The following ANO10 variants were observed in gnomAD, a reference collection of about 807,000 sequenced individuals.
The protein encoded by ANO10 is anoctamin 10.
A neutral mutation model predicts 74.7 loss-of-function variants in ANO10; 77 were observed. That is an observed-to-expected ratio of 1.03 (90% confidence interval 0.86 to 1.25). ANO10 has a LOEUF of 1.25. Among genes scored for constraint, ANO10 ranks in the 50% most tolerant of loss-of-function variants. The pLI is 0.00. For missense variants in ANO10, 721 were observed against 778.1 expected, an observed-to-expected ratio of 0.93 and a Z score of 0.87; for synonymous variants, 279 against 284.9, an observed-to-expected ratio of 0.98 and a Z score of 0.21.
At chr3:43,472,045 C>T (rs2075876603) in intron 11 of ANO10, among the ~76,000 whole-genome samples, 1 of 152,146 alleles carries the variant, frequency 6.6e-6, no homozygotes, top group Admixed American at 6.5e-5. Flanking sequence ...CACGATAGTA[C>T]ACTACTCTGC....
At chr3:43,478,657 T>C (rs2076160997) in intron 11 of ANO10, among the ~76,000 whole-genome samples, 1 of 152,240 alleles carries the variant, frequency 6.6e-6, no homozygotes, top group Non-Finnish European at 1.5e-5. Context: ...AAGTAATTAA[T>C]TTACATTAAT....
chr3:43,538,000 A>C (rs955904457), intron 11 of ANO10, among the ~76,000 whole-genome samples: 5 of 152,226 alleles, frequency 3.3e-5, no homozygotes, highest in African/African-American at 1.2e-4. Context: ...GTAACAAGAC[A>C]TAAGAACAAA....
intron 12 of ANO10, among the ~76,000 whole-genome samples, chr3:43,426,736 G>C (rs1440881387): frequency 1.3e-5 from 2 of 152,202 alleles, no homozygotes; most frequent in Non-Finnish European, 2.9e-5. Flanking sequence ...AGAAATAAAA[G>C]GGCATCACTA....
At chr3:43,614,773 A>C (rs1293239671) in intron 1 of ANO10, among the ~76,000 whole-genome samples, 16 of 83,370 alleles carry the variant, frequency 1.9e-4, no homozygotes, top group Non-Finnish European at 3.6e-4. Flanking sequence ...AAACTAAACT[A>C]TATATATATA....
At chr3:43,657,141 C>CT (rs1360121366) in intron 1 of ANO10, among the ~76,000 whole-genome samples, 1 of 152,208 alleles carries the variant, frequency 6.6e-6, no homozygotes. Context: ...TTAGGGGATC[C>CT]TTTTCCTGTC....
intron 1 of ANO10, among the ~76,000 whole-genome samples, chr3:43,617,021 C>T (rs2083142290): frequency 6.6e-6 from 1 of 151,434 alleles, no homozygotes; most frequent in Non-Finnish European, 1.5e-5. Context: ...CTCTAATTAG[C>T]TGGCTCAATG....
At chr3:43,451,320 C>T (rs1374432541) in intron 11 of ANO10, among the ~76,000 whole-genome samples, 4 of 152,178 alleles carry the variant, frequency 2.6e-5, no homozygotes, top group Non-Finnish European at 5.9e-5. Flanking sequence ...GCTGCTGTAC[C>T]CACCGACTAG....
chr3:43,434,880 C>G (rs1383773401), intron 11 of ANO10, among the ~76,000 whole-genome samples: 5 of 152,102 alleles, frequency 3.3e-5, no homozygotes, highest in Non-Finnish European at 7.3e-5. Context: ...AAACAGGATG[C>G]CATTTTAAAC....
At chr3:43,660,659 T>C (rs2083915379) in intron 1 of ANO10, among the ~76,000 whole-genome samples, 1 of 152,138 alleles carries the variant, frequency 6.6e-6, no homozygotes, top group Non-Finnish European at 1.5e-5. Flanking sequence ...CGGAACCAAG[T>C]TAGAAAACAC....
intron 12 of ANO10, among the ~76,000 whole-genome samples, chr3:43,395,511 C>T (rs2092359787): frequency 6.6e-6 from 1 of 151,932 alleles, no homozygotes; most frequent in African/African-American, 2.4e-5. Context: ...CATGAATATC[C>T]AATTGTTCCA....
chr3:43,396,634 G>A (rs1490401849), intron 12 of ANO10, among the ~76,000 whole-genome samples: 1 of 151,992 alleles, frequency 6.6e-6, no homozygotes, highest in Non-Finnish European at 1.5e-5. Context: ...ACCGCACCCG[G>A]CCCATGTTTG....
chr3:43,641,238 C>T (rs1236360541), intron 1 of ANO10, among the ~76,000 whole-genome samples: 1 of 152,104 alleles, frequency 6.6e-6, no homozygotes, highest in African/African-American at 2.4e-5. Context: ...GGTTCCTTTC[C>T]TATTCCTGGT....
chr3:43,401,407 C>T (rs955895645), intron 12 of ANO10, among the ~76,000 whole-genome samples: 8 of 151,868 alleles, frequency 5.3e-5, no homozygotes, highest in East Asian at 1.9e-4. Context: ...TTTTAAAAGG[C>T]GGGGGGGAAA....
intron 4 of ANO10, among the ~76,000 whole-genome samples, chr3:43,591,019 G>A (rs185667752): frequency 8.3e-4 from 126 of 152,312 alleles, no homozygotes; most frequent in African/African-American, 2.8e-3. Context: ...GAGAGCACAG[G>A]GGGAGGGACA....
At chr3:43,373,503 A>G (rs568941751) in intron 12 of ANO10, among the ~76,000 whole-genome samples, 1 of 152,238 alleles carries the variant, frequency 6.6e-6, no homozygotes, top group Non-Finnish European at 1.5e-5. Context: ...AAAAGGGGAA[A>G]CAAAGGTGTA....
chr3:43,557,734 CAAA>C (rs893586520), intron 9 of ANO10, among the ~76,000 whole-genome samples: 1 of 43,304 alleles, frequency 2.3e-5, no homozygotes, highest in Non-Finnish European at 4.9e-5. Context: ...GACTCTGTCT[CAAA>C]AAAAAAAAAA....
intron 1 of ANO10, among the ~76,000 whole-genome samples, chr3:43,649,063 T>C (rs1403517181): frequency 6.6e-6 from 1 of 152,166 alleles, no homozygotes; most frequent in African/African-American, 2.4e-5. Flanking sequence ...CATCCTGTGA[T>C]TTAGAATCCC....
At chr3:43,627,645 T>G (rs1341236238) in intron 1 of ANO10, among the ~76,000 whole-genome samples, 1 of 152,236 alleles carries the variant, frequency 6.6e-6, no homozygotes, top group African/African-American at 2.4e-5. Flanking sequence ...ATAGTGCATC[T>G]AACTGGAGAG....
chr3:43,558,755 T>C (rs956257898), intron 9 of ANO10, among the ~76,000 whole-genome samples: 1 of 152,136 alleles, frequency 6.6e-6, no homozygotes, highest in Non-Finnish European at 1.5e-5. Flanking sequence ...AACAATCATC[T>C]AGAATAAATG....
Sources: allele counts gnomAD v4.1 joint callset (sites outside exome capture counted in the v4.1 genomes callset), GRCh38; gene constraint gnomAD v4.1.1; transcripts MANE v1.5; gene names NCBI Gene and HGNC (gene_info 2026-07-23, HGNC 2026-07-21).